The following DMD variants were observed in gnomAD, a reference collection of about 807,000 sequenced individuals.
The protein encoded by DMD is dystrophin, also known as mutant dystrophin.
A neutral mutation model predicts 330.1 loss-of-function variants in DMD; 63 were observed. The observed-to-expected ratio is 0.19, with a 90% confidence interval of 0.16 to 0.24. The LOEUF (loss-of-function observed/expected upper bound fraction) is 0.24. DMD is among the 10% of genes least tolerant of loss of function. The pLI is 1.00. For synonymous variants in DMD, 1,223 were observed against 959.8 expected (o/e 1.27, Z -5.07); for missense variants, 3,344 against 2,684.1 (o/e 1.25, Z -5.43).
chrX:31,825,037 C>G (rs1172713114), intron 49 of DMD, among the ~76,000 whole-genome samples: 2 of 111,779 alleles, frequency 1.8e-5, no homozygotes, highest in African/African-American at 6.5e-5. Flanking sequence ...GAAAACCACC[C>G]TTGGAAGTCA....
intron 13 of DMD, chrX:32,583,723 T>C (rs997323565): frequency 1.8e-5 from 2 of 111,846 alleles, no homozygotes; most frequent in Non-Finnish European, 1.9e-5. Flanking sequence ...TAAGACCATC[T>C]TTTCCTCAAT....
intron 44 of DMD, among the ~76,000 whole-genome samples, chrX:32,004,077 T>G (rs1168542384): frequency 1.8e-5 from 2 of 110,657 alleles, no homozygotes; most frequent in Non-Finnish European, 3.8e-5. Context: ...TGGATAGGTG[T>G]GCCACTTTAT....
chrX:33,305,406 G>A (rs1378457588), intron 1 of DMD, among the ~76,000 whole-genome samples: 2 of 86,554 alleles, frequency 2.3e-5, no homozygotes, highest in Non-Finnish European at 4.6e-5. Context: ...ATCACACTCC[G>A]GGGACTGTTG....
rs377242190 is a variant in DMD at position 31,642,941 on chromosome X, G to A, written c.8027+15049C>T. Among the ~76,000 whole-genome samples, 156 of 111,950 alleles carry A rather than the reference G, an allele frequency of 1.4e-3. 1 individual carries two copies. Among genetic ancestry groups the A allele is most frequent in the Non-Finnish European group, 2.1e-3 (111 of 53,098 alleles). On this transcript the variant is annotated intron_variant, in intron 54 of 78. Transcript: ENST00000357033. ...TGATCTGACTATCTGTTCGCTTTGC[G>A]GTGTATATCAAATTGTTGAATTAAA...
chrX:32,080,933 A>G (rs1276887503), intron 44 of DMD, among the ~76,000 whole-genome samples: 1 of 112,221 alleles, frequency 8.9e-6, no homozygotes, highest in Non-Finnish European at 1.9e-5. Flanking sequence ...AAACAGCTCT[A>G]TGGAGGTGCC....
chrX:31,120,019 A>C lies in DMD; in HGVS notation c.*1900T>G, dbSNP rs888925989. ...TGAGAAGCCGTGTTTGATGTTAATT[A>C]ATTAATTATTAATAATGGACAAAAC... On this transcript the variant is annotated 3_prime_UTR_variant, in exon 79 of 79. Coordinates refer to ENST00000357033, the MANE Select transcript of DMD (RefSeq NM_004006.3). 1.8e-5 allele frequency: 2 copies of C among 111,660 alleles called. No homozygotes were observed. The highest frequency in any genetic ancestry group is 6.5e-5 in the African/African-American group (2 of 30,647). 9.2% of individuals were successfully genotyped at this position (111,660 alleles called of 1,213,427 possible). A position where few individuals can be genotyped will look rare whatever the true frequency, so the allele number is the denominator to read the frequency against.
intron 1 of DMD, among the ~76,000 whole-genome samples, chrX:33,097,606 T>C (rs1467117840): frequency 1.7e-5 from 1 of 57,374 alleles, no homozygotes; most frequent in Non-Finnish European, 3.4e-5. Context: ...TACATGAGAC[T>C]CTTTTTTTTT....
intron 44 of DMD, among the ~76,000 whole-genome samples, chrX:32,195,510 A>G (rs761497438): frequency 8.9e-6 from 1 of 112,345 alleles, no homozygotes; most frequent in South Asian, 3.7e-4. Context: ...CACAAAAGAA[A>G]ACTGTGAATG....
intron 44 of DMD, among the ~76,000 whole-genome samples, chrX:32,100,684 A>G (rs1214249979): frequency 9.1e-6 from 1 of 110,469 alleles, no homozygotes; most frequent in Non-Finnish European, 1.9e-5. Context: ...TCCTGACTAA[A>G]GTTTCTTGCA....
intron 5 of DMD, among the ~76,000 whole-genome samples, chrX:32,820,210 C>T (rs1415370757): frequency 7.1e-5 from 8 of 112,101 alleles, no homozygotes; most frequent in South Asian, 7.3e-4. Context: ...GAGGCCGAGA[C>T]GGGCGGATCA....
intron 7 of DMD, among the ~76,000 whole-genome samples, chrX:32,807,127 A>T (rs1274437530): frequency 2.0e-5 from 2 of 101,306 alleles, no homozygotes; most frequent in Admixed American, 1.1e-4. Context: ...ACATTTAAAA[A>T]AAAAAAAAAA....
At chrX:31,296,517 T>C (rs923625577) in intron 62 of DMD, among the ~76,000 whole-genome samples, 4 of 111,871 alleles carry the variant, frequency 3.6e-5, no homozygotes, top group South Asian at 7.6e-4. Context: ...GAAACGTGCT[T>C]ACTGCTCCCT....
intron 50 of DMD, among the ~76,000 whole-genome samples, chrX:31,777,396 G>T (rs914276441): frequency 9.0e-6 from 1 of 110,829 alleles, no homozygotes; most frequent in Non-Finnish European, 1.9e-5. Flanking sequence ...GCAGGAAATA[G>T]CTCTGAATCA....
intron 44 of DMD, among the ~76,000 whole-genome samples, chrX:32,183,205 T>C (rs1373303595): frequency 9.0e-6 from 1 of 111,107 alleles, no homozygotes; most frequent in African/African-American, 3.3e-5. Context: ...CACAATATTA[T>C]CAGTAGCCTA....
chrX:32,123,202 CATATATATATATATATATAT>C lies in DMD; in HGVS notation c.6438+93694_6438+93713del, dbSNP rs59017074. Among the ~76,000 whole-genome samples the C allele has an allele frequency of 8.3e-4, 27 of 32,561 alleles. 1 individual carries two copies. The highest frequency in any genetic ancestry group is 3.4e-3 in the African/African-American group (24 of 7,097). The allele number at this position is 32,561 out of a possible 115,157, so 28.3% of individuals were successfully genotyped here. On this transcript the variant is annotated intron_variant, in intron 44 of 78. Coordinates refer to ENST00000357033, the MANE Select transcript of DMD (RefSeq NM_004006.3). ...TAAGGTGAATGGTTTTGTGAGCATG[CATATATATATATATATATAT>C]ATATATATATATATATATATAAATG...
At chrX:31,994,614 G>A (rs984256189) in intron 44 of DMD, among the ~76,000 whole-genome samples, 2 of 111,532 alleles carry the variant, frequency 1.8e-5, no homozygotes, top group Admixed American at 9.5e-5. Context: ...GCATGGGGCT[G>A]CTCCCCGAGA....
intron 1 of DMD, among the ~76,000 whole-genome samples, chrX:33,034,940 T>G (rs1198298403): frequency 1.8e-5 from 2 of 111,997 alleles, no homozygotes; most frequent in Non-Finnish European, 3.8e-5. Context: ...GTAATCAACA[T>G]TGTTATTCCT....
rs754160094 is a variant in DMD at position 31,160,025 on chromosome X, C to CA, written c.10553+9417dup. On this transcript the variant is annotated intron_variant, in intron 74 of 78. Transcript: ENST00000357033. ...TAAAATCACAATCCAGGAGAGGCCT[C>CA]AAGCAACAACTGGCCTTTGCATCTA... Among the ~76,000 whole-genome samples, 4 of 112,341 alleles carry CA rather than the reference C, an allele frequency of 3.6e-5. No individual in the cohort carries two copies. The South Asian group carries it at 1.5e-3, about 42-fold the overall frequency.
At chrX:31,572,670 T>C (rs182589871) in intron 55 of DMD, among the ~76,000 whole-genome samples, 41 of 112,254 alleles carry the variant, frequency 3.7e-4, no homozygotes, top group African/African-American at 1.1e-3. Context: ...ATTTAGAATT[T>C]CCCCAGTGGG....
Sources: allele counts gnomAD v4.1 joint callset (sites outside exome capture counted in the v4.1 genomes callset), GRCh38; gene constraint gnomAD v4.1.1; transcripts MANE v1.5; gene names NCBI Gene and HGNC (gene_info 2026-07-23, HGNC 2026-07-21).